The following SNX29 variants were observed in gnomAD, a reference collection of about 807,000 sequenced individuals.
SNX29 encodes sorting nexin-29.
SNX29 carries 78 observed loss-of-function variants against 102.1 expected under a neutral mutation model. The ratio of observed to expected loss-of-function variants is 0.76; its 90% CI spans 0.64 to 0.92. SNX29 has a LOEUF of 0.92. Among genes scored for constraint, SNX29 ranks in the 40% least tolerant of loss-of-function variants. The pLI, the probability that SNX29 is intolerant of heterozygous loss-of-function variation, is 0.00. For synonymous variants in SNX29, 580 were observed against 414.5 expected, an observed-to-expected ratio of 1.40 and a Z score of -4.85; for missense variants, 1,280 against 1,061.7, an observed-to-expected ratio of 1.21 and a Z score of -2.86.
chr16:12,042,848 G>T (rs765882562), intron 4 of SNX29, 49 bp from the exon 5 acceptor site: 75 of 1,557,938 alleles, frequency 4.8e-5, no homozygotes, highest in Non-Finnish European at 6.4e-5. Flanking sequence ...CTCTCCCAGT[G>T]CTGAGTGCCC....
At chr16:12,541,470 G>A (rs1321342016) in intron 20 of SNX29, among the ~76,000 whole-genome samples, 1 of 152,150 alleles carries the variant, frequency 6.6e-6, no homozygotes, top group East Asian at 1.9e-4. Flanking sequence ...GCTTGATGGA[G>A]CCAGGATCTC....
At chr16:12,041,052 C>T (rs2049860548) in intron 4 of SNX29, among the ~76,000 whole-genome samples, 1 of 152,148 alleles carries the variant, frequency 6.6e-6, no homozygotes, top group African/African-American at 2.4e-5. Context: ...CGTGATCTGC[C>T]TGCCTTGGCC....
At chr16:12,076,620 G>T (rs1382884641) in intron 10 of SNX29, among the ~76,000 whole-genome samples, 1 of 152,120 alleles carries the variant, frequency 6.6e-6, no homozygotes, top group Non-Finnish European at 1.5e-5. Context: ...ACATTTTTAT[G>T]TAGCCTGGGT....
chr16:12,115,399 C>T (rs1288325316), intron 11 of SNX29, among the ~76,000 whole-genome samples: 3 of 151,966 alleles, frequency 2.0e-5, no homozygotes, highest in Non-Finnish European at 4.4e-5. Flanking sequence ...CAGGGTCAGA[C>T]ATGCTCTGAC....
At chr16:12,168,097 G>T (rs1005870514) in intron 13 of SNX29, among the ~76,000 whole-genome samples, 1 of 152,224 alleles carries the variant, frequency 6.6e-6, no homozygotes, top group African/African-American at 2.4e-5. Context: ...TTCTGGTGAG[G>T]AGGCAGACAG....
At chr16:11,987,790 A>G (rs948042026) in intron 1 of SNX29, among the ~76,000 whole-genome samples, 5 of 152,246 alleles carry the variant, frequency 3.3e-5, no homozygotes, top group African/African-American at 1.2e-4. Flanking sequence ...ATAGAGGACC[A>G]GGTGAAATTG....
chr16:12,184,090 T>C (rs1310334178), intron 13 of SNX29, among the ~76,000 whole-genome samples: 1 of 152,204 alleles, frequency 6.6e-6, no homozygotes, highest in Non-Finnish European at 1.5e-5. Context: ...TGATTTCACT[T>C]TATGGACTCA....
chr16:12,377,558 C>T (rs1025564652), intron 16 of SNX29, among the ~76,000 whole-genome samples: 6 of 152,142 alleles, frequency 3.9e-5, no homozygotes, highest in Non-Finnish European at 5.9e-5. Flanking sequence ...TACTTGTGAG[C>T]GGTCTTGATC....
At chr16:12,221,686 CT>C (rs1222205118) in intron 14 of SNX29, among the ~76,000 whole-genome samples, 1 of 152,166 alleles carries the variant, frequency 6.6e-6, no homozygotes, top group East Asian at 1.9e-4. Context: ...TTGGGTTTAA[CT>C]TTGGTGGCTT....
At chr16:12,196,494 C>A (rs766724594) in intron 13 of SNX29, among the ~76,000 whole-genome samples, 1 of 152,106 alleles carries the variant, frequency 6.6e-6, no homozygotes, top group African/African-American at 2.4e-5. Flanking sequence ...GGGGGTCTTG[C>A]TACTGTGCTG....
intron 11 of SNX29, among the ~76,000 whole-genome samples, chr16:12,105,808 T>A (rs948244963): frequency 6.6e-6 from 1 of 152,162 alleles, no homozygotes; most frequent in East Asian, 1.9e-4. Context: ...GTGGAGAGAT[T>A]AGCTTGGAAA....
intron 1 of SNX29, among the ~76,000 whole-genome samples, chr16:11,991,860 G>C (rs2055868385): frequency 6.6e-6 from 1 of 151,962 alleles, no homozygotes; most frequent in Non-Finnish European, 1.5e-5. Context: ...GCTGGGAGTA[G>C]CTTTTCTATT....
intron 16 of SNX29, among the ~76,000 whole-genome samples, chr16:12,391,050 A>G (rs371229579): frequency 7.2e-5 from 11 of 152,038 alleles, no homozygotes; most frequent in African/African-American, 2.4e-4. Flanking sequence ...GGATCAGGCA[A>G]TCCTTCCACT....
rs907311046 is a variant in SNX29, at chr16:12,548,002, G to A, written c.2319-20504G>A. On this transcript the variant is annotated intron_variant, in intron 20 of 20. Coordinates refer to ENST00000566228, the MANE Select transcript of SNX29 (RefSeq NM_032167.5). Reference sequence around the variant, plus strand: ...TGGCACAGGGGTCTCGAGTGAACGTGGCATCCTGGACTTTTGCACTGCTCA... The same window carrying A: ...TGGCACAGGGGTCTCGAGTGAACGTAGCATCCTGGACTTTTGCACTGCTCA... Among the ~76,000 whole-genome samples the A allele has an allele frequency of 3.9e-5, 6 of 152,102 alleles. No homozygotes were observed. In the South Asian group the frequency reaches 6.2e-4, roughly 16 times the overall value.
At chr16:12,340,580 GGAGCA>G (rs2081582447) in intron 15 of SNX29, among the ~76,000 whole-genome samples, 1 of 152,184 alleles carries the variant, frequency 6.6e-6, no homozygotes, top group Admixed American at 6.5e-5. Flanking sequence ...TGAGTCATCT[GGAGCA>G]GAGTGACCAC....
At chr16:12,101,486 C>T (rs372823746) in intron 11 of SNX29, among the ~76,000 whole-genome samples, 3 of 151,706 alleles carry the variant, frequency 2.0e-5, no homozygotes, top group South Asian at 2.1e-4. Flanking sequence ...CGGGTTCAAG[C>T]GATTTTCCTG....
intron 11 of SNX29, among the ~76,000 whole-genome samples, chr16:12,115,708 A>G (rs1279554896): frequency 2.6e-5 from 4 of 152,194 alleles, no homozygotes; most frequent in Non-Finnish European, 5.9e-5. Context: ...GGAGCCATCT[A>G]ATTAACACCT....
At chr16:12,214,219 A>C (rs563570593) in intron 14 of SNX29, among the ~76,000 whole-genome samples, 3 of 152,280 alleles carry the variant, frequency 2.0e-5, no homozygotes, top group Non-Finnish European at 4.4e-5. Flanking sequence ...TGTTCATTTC[A>C]TTTTTATTGT....
At chr16:12,411,623 G>A (rs1325983249) in intron 18 of SNX29, among the ~76,000 whole-genome samples, 1 of 152,202 alleles carries the variant, frequency 6.6e-6, no homozygotes, top group Non-Finnish European at 1.5e-5. Context: ...TCTGCTATAT[G>A]CCCAGCATGT....
Sources: gnomAD v4.1 joint callset for allele counts (sites outside exome capture counted in the v4.1 genomes callset) on GRCh38, gnomAD v4.1.1 for gene constraint, MANE v1.5 for transcripts, NCBI Gene and HGNC (gene_info 2026-07-23, HGNC 2026-07-21) for gene names.